Variants in GLDC observed in about 807,000 individuals in gnomAD.
The protein encoded by GLDC is glycine dehydrogenase (decarboxylating), mitochondrial.
A neutral mutation model predicts 121.3 loss-of-function variants in GLDC; 104 were observed. The ratio of observed to expected loss-of-function variants is 0.86; its 90% CI spans 0.73 to 1.01. The LOEUF (loss-of-function observed/expected upper bound fraction) is 1.01. GLDC is among the 50% of genes least tolerant of loss of function. The pLI is 0.00. For synonymous variants in GLDC, 546 were observed against 480.6 expected (o/e 1.14, Z -1.78); for missense variants, 1,429 against 1,306.6 (o/e 1.09, Z -1.44).
chr9:6,606,719 C>G (rs753899969), intron 4 of GLDC, 50 bp from the exon 5 acceptor site: 4 of 1,036,644 alleles, frequency 3.9e-6, no homozygotes, highest in African/African-American at 3.2e-5. Flanking sequence ...ATAAATAGGA[C>G]TATCTTCTAA....
chr9:6,607,285 G>C (rs1433611722), intron 4 of GLDC, among the ~76,000 whole-genome samples: 2 of 151,760 alleles, frequency 1.3e-5, no homozygotes, highest in Non-Finnish European at 2.9e-5. Flanking sequence ...ACAGTGATTA[G>C]ATACAAGTGT....
At chr9:6,539,829 G>A (rs1817218088) in intron 22 of GLDC, among the ~76,000 whole-genome samples, 1 of 152,184 alleles carries the variant, frequency 6.6e-6, no homozygotes, top group African/African-American at 2.4e-5. Flanking sequence ...TTTCTTGGCT[G>A]TTAATGGATT....
At chr9:6,577,579 T>C (rs892240936) in intron 15 of GLDC, among the ~76,000 whole-genome samples, 1 of 152,236 alleles carries the variant, frequency 6.6e-6, no homozygotes, top group Admixed American at 6.5e-5. Flanking sequence ...ATCAAGGCTT[T>C]AAAAATTTTA....
At position 6,610,322 on chromosome 9, in the gene GLDC, A is replaced by G. The variant is rs1356375715; in HGVS notation, c.505T>C (p.Ser169Pro). The change falls in exon 4 of 25, where the codon TCT becomes CCT. Residue 169 changes from serine to proline, a missense_variant. Ser to Pro is a moderately conservative substitution (Grantham distance 74). Transcript: ENST00000321612. The stretch of plus-strand genomic sequence containing the variant: ...AGTAAACTCTCCAGCCTCCCCTGAG[A>G]CACCTCAGGCTGGTATGGAGTATAC... Reference protein sequence around the residue: ...TQYTPYQPEVSQGRLESLLNY... With the variant: ...TQYTPYQPEVPQGRLESLLNY... 2.5e-6 allele frequency: 4 copies of G among 1,613,452 alleles called. No individual in the cohort carries two copies. Among genetic ancestry groups the G allele is most frequent in the Non-Finnish European group, 3.4e-6 (4 of 1,179,474 alleles).
intron 15 of GLDC, among the ~76,000 whole-genome samples, chr9:6,586,044 C>T (rs1818264365): frequency 6.6e-6 from 1 of 152,026 alleles, no homozygotes; most frequent in African/African-American, 2.4e-5. Context: ...ACCTGTAATC[C>T]CAACACTTTG....
Position 6,599,889 on chromosome 9 carries a change from A to C in GLDC, c.1155+2220T>G, listed in dbSNP as rs961397566. ...GGCAAAACATAATACAAAAGGACCAACTGAGGAAATGGCTCCAAAGACCCG... is the reference window on the plus strand; with the variant it reads ...GGCAAAACATAATACAAAAGGACCACCTGAGGAAATGGCTCCAAAGACCCG... On this transcript the variant is annotated intron_variant, in intron 8 of 24. Transcript: ENST00000321612. Among the ~76,000 whole-genome samples, 3 of 152,114 alleles carry C rather than the reference A, an allele frequency of 2.0e-5. No homozygotes were observed. In the East Asian group the frequency reaches 5.8e-4, roughly 29 times the overall value.
intron 6 of GLDC, 113 bp from the exon 7 acceptor site, chr9:6,604,897 G>C (rs2129897129): frequency 1.0e-6 from 1 of 954,312 alleles, no homozygotes; most frequent in South Asian, 1.3e-5. Context: ...TTCACATCCT[G>C]TGAACTCCAT....
chr9:6,619,779 C>T (rs1038947255), intron 3 of GLDC, among the ~76,000 whole-genome samples: 3 of 152,136 alleles, frequency 2.0e-5, no homozygotes, highest in Non-Finnish European at 4.4e-5. Flanking sequence ...CCAAGATTCT[C>T]TCCCAGACTC....
intron 3 of GLDC, among the ~76,000 whole-genome samples, chr9:6,614,678 T>A (rs1818933252): frequency 6.6e-6 from 1 of 152,042 alleles, no homozygotes; most frequent in Non-Finnish European, 1.5e-5. Flanking sequence ...AGTGAGCCAC[T>A]GTGCCAAGCC....
chr9:6,564,606 C>T (rs377429021), intron 16 of GLDC, among the ~76,000 whole-genome samples: 6 of 152,218 alleles, frequency 3.9e-5, no homozygotes, highest in South Asian at 4.1e-4. Context: ...TAAGGACTTC[C>T]GCCCCACAGC....
chr9:6,593,790 T>G (rs757725486), intron 9 of GLDC, among the ~76,000 whole-genome samples: 1 of 151,870 alleles, frequency 6.6e-6, no homozygotes, highest in Non-Finnish European at 1.5e-5. Context: ...CCTCCTAAAT[T>G]CAAGCAATTC....
At chr9:6,578,376 C>G (rs1442291629) in intron 15 of GLDC, among the ~76,000 whole-genome samples, 1 of 151,580 alleles carries the variant, frequency 6.6e-6, no homozygotes, top group Non-Finnish European at 1.5e-5. Context: ...CTCAGACTCC[C>G]AAAGTGTTGG....
intron 24 of GLDC, among the ~76,000 whole-genome samples, chr9:6,533,610 G>C (rs1200104116): frequency 1.3e-5 from 2 of 152,018 alleles, no homozygotes; most frequent in African/African-American, 4.8e-5. Flanking sequence ...TTTAATCCCA[G>C]AACTTTGGGA....
intron 2 of GLDC, 92 bp from the exon 3 acceptor site, chr9:6,620,411 A>C: frequency 9.3e-7 from 1 of 1,077,190 alleles, no homozygotes; most frequent in Non-Finnish European, 1.4e-6. Flanking sequence ...TTGAGTATTT[A>C]TGACAGAATA....
At position 6,558,583 on chromosome 9, in the gene GLDC, G is replaced by A. The variant is rs372604935; in HGVS notation, c.2028C>T (p.Ile676=). The change falls in exon 17 of 25, where the codon ATC becomes ATT. Residue 676 remains isoleucine, a synonymous_variant. Coordinates refer to ENST00000321612, the MANE Select transcript of GLDC (RefSeq NM_000170.3). ...CCATGGCCTTGAGGTGAACTGCATC[G>A]ATATTCCCATATTTATCCACCTCCA... ...QPVEVDKYGN[I]DAVHLKAMVD... The A allele has an allele frequency of 4.5e-5, 72 of 1,614,018 alleles. No homozygotes were observed. The highest frequency in any genetic ancestry group is 1.1e-4 in the East Asian group (5 of 44,898).
rs111353471 is a variant in GLDC, at chr9:6,555,003, TG to T, written c.2203-223del. The T allele has an allele frequency of 1.5e-5, 9 of 609,792 alleles. No individual in the cohort carries two copies. The African/African-American group carries it at 1.5e-4, about 10-fold the overall frequency. 37.8% of individuals were successfully genotyped at this position (609,792 alleles called of 1,614,324 possible). On this transcript the variant is annotated intron_variant, in intron 18 of 24. Transcript: ENST00000321612. The stretch of plus-strand genomic sequence containing the variant: ...TTGTGGTTGCTATGGAAATAGCAAC[TG>T]ACCATTTAGTCCAATTTAGATTTAA...
At chr9:6,622,301 G>A (rs1819118501) in intron 2 of GLDC, among the ~76,000 whole-genome samples, 1 of 151,242 alleles carries the variant, frequency 6.6e-6, no homozygotes, top group African/African-American at 2.4e-5. Context: ...GGCCGAAGCT[G>A]GACTGTGCTG....
At chr9:6,556,438 C>A in intron 17 of GLDC, 136 bp from the exon 18 acceptor site, 4 of 692,148 alleles carry the variant, frequency 5.8e-6, no homozygotes, top group East Asian at 2.7e-5. Flanking sequence ...TCTCAAAGTA[C>A]AATGACAGCA....
Position 6,554,793 on chromosome 9 carries a change from G to A in GLDC, c.2203-12C>T, listed in dbSNP as rs767258496. On this transcript the variant is annotated splice_polypyrimidine_tract_variant and intron_variant, in intron 18 of 24. Coordinates refer to ENST00000321612, the MANE Select transcript of GLDC (RefSeq NM_000170.3). The stretch of plus-strand genomic sequence containing the variant: ...CGACAGATTCCCACCTACCACAAAG[G>A]CAAGGGCCAAAAGCAAAAGTCAAGA... 1.9e-4 allele frequency: 308 copies of A among 1,600,844 alleles called. No homozygotes were observed. Among genetic ancestry groups the A allele is most frequent in the Non-Finnish European group, 2.5e-4 (288 of 1,170,500 alleles).
Sources: allele counts gnomAD v4.1 joint callset (sites outside exome capture counted in the v4.1 genomes callset), GRCh38; gene constraint gnomAD v4.1.1; transcripts MANE v1.5; gene names NCBI Gene and HGNC (gene_info 2026-07-23, HGNC 2026-07-21).